NR6A1: variants seen among roughly 807,000 people sequenced by gnomAD.
NR6A1 encodes retinoic acid receptor-related testis-associated receptor.
A neutral mutation model predicts 59.1 loss-of-function variants in NR6A1; 7 were observed. The ratio of observed to expected loss-of-function variants is 0.12; its 90% CI spans 0.07 to 0.22. The LOEUF is 0.22. Among genes scored for constraint, NR6A1 ranks in the 10% least tolerant of loss-of-function variants. The pLI, the probability that NR6A1 is intolerant of heterozygous loss-of-function variation, is 1.00. For synonymous variants in NR6A1, 243 were observed against 236.1 expected, an observed-to-expected ratio of 1.03 and a Z score of -0.27; for missense variants, 468 against 611.6, an observed-to-expected ratio of 0.77 and a Z score of 2.48.
Position 124,524,863 on chromosome 9 carries a change from A to G in NR6A1, c.1212T>C (p.Gly404=), listed in dbSNP as rs1438107162. The change falls in exon 9 of 10, where the codon GGT becomes GGC. Residue 404 remains glycine (G), a synonymous_variant. Transcript: ENST00000487099. The part of the protein sequence containing the change: ...AINFLNQDIR[G]LTSASQLEQL... ...GTTCCAGCTGTGAGGCACTGGTCAG[A>G]CCCCTGATATCTGTGGAAAAAAAAA... 1.9e-6 allele frequency: 3 copies of G among 1,607,882 alleles called. No homozygotes were observed. The Admixed American group carries it at 5.1e-5, about 27-fold the overall frequency.
intron 1 of NR6A1, among the ~76,000 whole-genome samples, chr9:124,734,373 AG>A (rs1370134429): frequency 1.3e-5 from 2 of 152,192 alleles, no homozygotes; most frequent in Non-Finnish European, 2.9e-5. Context: ...AAACAACTGT[AG>A]TATTTCACCA....
intron 2 of NR6A1, among the ~76,000 whole-genome samples, chr9:124,585,250 TGCAA>T (rs1194842136): frequency 6.6e-6 from 1 of 152,064 alleles, no homozygotes; most frequent in East Asian, 1.9e-4. Flanking sequence ...TACTTAAAAG[TGCAA>T]GGTGGGCCAG....
chr9:124,551,296 G>GT (rs1408663072), intron 3 of NR6A1, among the ~76,000 whole-genome samples: 8 of 152,036 alleles, frequency 5.3e-5, no homozygotes. Flanking sequence ...CCCACACAAG[G>GT]TATCTATGTA....
intron 2 of NR6A1, among the ~76,000 whole-genome samples, chr9:124,729,857 G>A (rs1337810041): frequency 1.3e-5 from 2 of 149,862 alleles, no homozygotes; most frequent in East Asian, 3.9e-4. Flanking sequence ...TTGTTGCCCA[G>A]GCTGGAGTGC....
At chr9:124,747,274 C>T (rs905352310) in intron 1 of NR6A1, among the ~76,000 whole-genome samples, 2 of 150,050 alleles carry the variant, frequency 1.3e-5, no homozygotes, top group East Asian at 2.0e-4. Context: ...ACTGCAGCCT[C>T]GACCTCCCAG....
intron 2 of NR6A1, among the ~76,000 whole-genome samples, chr9:124,586,285 C>G (rs1253125655): frequency 6.6e-6 from 1 of 152,036 alleles, no homozygotes; most frequent in Non-Finnish European, 1.5e-5. Context: ...GTCAAAATAT[C>G]AGTATTAACA....
intron 3 of NR6A1, among the ~76,000 whole-genome samples, chr9:124,550,209 T>C (rs967601719): frequency 6.6e-6 from 1 of 152,198 alleles, no homozygotes; most frequent in South Asian, 2.1e-4. Context: ...GCTAAAGTTA[T>C]GTCTGTCAGA....
intron 2 of NR6A1, among the ~76,000 whole-genome samples, chr9:124,694,171 CAT>C (rs1334957573): frequency 6.6e-6 from 1 of 151,982 alleles, no homozygotes; most frequent in African/African-American, 2.4e-5. Flanking sequence ...CGGAGGAAAA[CAT>C]GTATAATTAT....
At chr9:124,601,448 A>G (rs887039617) in intron 2 of NR6A1, among the ~76,000 whole-genome samples, 47 of 149,502 alleles carry the variant, frequency 3.1e-4, no homozygotes, top group Admixed American at 8.0e-4. Context: ...GCCGGGCGTC[A>G]TGGCGGGCGC....
chr9:124,729,950 T>A (rs1053536352), intron 2 of NR6A1, among the ~76,000 whole-genome samples: 1 of 152,076 alleles, frequency 6.6e-6, no homozygotes, highest in Non-Finnish European at 1.5e-5. Context: ...GTAGCTGGGA[T>A]TACAGGCATG....
intron 2 of NR6A1, among the ~76,000 whole-genome samples, chr9:124,727,822 T>C (rs1839766779): frequency 6.7e-6 from 1 of 149,208 alleles, no homozygotes; most frequent in South Asian, 2.2e-4. Context: ...GTAACTGAGA[T>C]TATAGGCATG....
At chr9:124,620,493 C>T (rs1291804460) in intron 2 of NR6A1, among the ~76,000 whole-genome samples, 1 of 152,106 alleles carries the variant, frequency 6.6e-6, no homozygotes, top group African/African-American at 2.4e-5. Context: ...ATATTCAGCA[C>T]AAAAAGGAAC....
chr9:124,687,307 T>A lies in NR6A1; in HGVS notation c.142+46001A>T, dbSNP rs189888691. Reference sequence around the variant, plus strand: ...AGCTAATTAATTATTTATTTATTTATTTATTTATTTATTGGTAGAGACAAG... The same window carrying A: ...AGCTAATTAATTATTTATTTATTTAATTATTTATTTATTGGTAGAGACAAG... On this transcript the variant is annotated intron_variant, in intron 2 of 9. Coordinates refer to ENST00000487099, the MANE Select transcript of NR6A1 (RefSeq NM_033334.4). Among the ~76,000 whole-genome samples the A allele has an allele frequency of 4.7e-3, 686 of 146,318 alleles. 6 individuals carry two copies. The highest frequency in any genetic ancestry group is 0.017 in the African/African-American group (641 of 36,774).
intron 2 of NR6A1, among the ~76,000 whole-genome samples, chr9:124,630,933 A>AG (rs1224152895): frequency 6.6e-6 from 1 of 152,042 alleles, no homozygotes; most frequent in Non-Finnish European, 1.5e-5. Flanking sequence ...TTGGCCTCCC[A>AG]AAGTGCTGGG....
In NR6A1 at chr9:124,544,981, C is replaced by A. The variant is rs570018667; in HGVS notation, c.386-1124G>T. On this transcript the variant is annotated intron_variant, in intron 3 of 9. Coordinates refer to ENST00000487099, the MANE Select transcript of NR6A1 (RefSeq NM_033334.4). The stretch of plus-strand genomic sequence containing the variant: ...TGACATTATGTAATAGCAGGCCTTG[C>A]TAGGATATACCTGCCACTTAAAAAA... Among the ~76,000 whole-genome samples the A allele has an allele frequency of 2.6e-4, 40 of 152,112 alleles. No homozygotes were observed. The South Asian group carries it at 8.1e-3, about 31-fold the overall frequency.
At chr9:124,644,271 CTTTTT>C (rs35401605) in intron 2 of NR6A1, among the ~76,000 whole-genome samples, 1 of 96,744 alleles carries the variant, frequency 1.0e-5, no homozygotes, top group South Asian at 3.3e-4. Flanking sequence ...ATTAAGTCTT[CTTTTT>C]TTTTTTTTTT....
rs538947809 is a variant in NR6A1 at position 124,652,144 on chromosome 9, T to A, written c.142+81164A>T. Among the ~76,000 whole-genome samples the A allele has an allele frequency of 3.3e-5, 5 of 152,294 alleles. No homozygotes were observed. In the East Asian group the frequency reaches 9.6e-4, roughly 29 times the overall value. ...CTAAGTCTGGATTGATTTAAAGTGG[T>A]GGAGGTAGGTATTCCAGGCAAATCC... On this transcript the variant is annotated intron_variant, in intron 2 of 9. Transcript: ENST00000487099.
chr9:124,561,857 A>G (rs1213983799), intron 2 of NR6A1, among the ~76,000 whole-genome samples: 6 of 152,210 alleles, frequency 3.9e-5, no homozygotes, highest in Non-Finnish European at 8.8e-5. Flanking sequence ...GGTTGCAGTG[A>G]GCCAAGATTG....
At chr9:124,559,084 G>C (rs1405422371) in intron 2 of NR6A1, among the ~76,000 whole-genome samples, 1 of 152,166 alleles carries the variant, frequency 6.6e-6, no homozygotes, top group Non-Finnish European at 1.5e-5. Context: ...CACCAACTGT[G>C]TACCATGCAA....
Sources: gnomAD v4.1 joint callset for allele counts (sites outside exome capture counted in the v4.1 genomes callset) on GRCh38, gnomAD v4.1.1 for gene constraint, MANE v1.5 for transcripts, NCBI Gene and HGNC (gene_info 2026-07-23, HGNC 2026-07-21) for gene names.